The following SEC24D variants were observed in gnomAD, a reference collection of about 807,000 sequenced individuals.
The protein encoded by SEC24D is SEC24 homolog D, COPII component.
In SEC24D, 69 loss-of-function variants were observed where a neutral mutation model predicts 116.9. The observed-to-expected ratio is 0.59, with a 90% confidence interval of 0.49 to 0.72. SEC24D has a LOEUF of 0.72. Among genes scored for constraint, SEC24D ranks in the 30% least tolerant of loss-of-function variants. SEC24D has a pLI of 0.00. For missense variants in SEC24D, 1,131 were observed against 1,264.1 expected (o/e 0.89, Z 1.60); for synonymous variants, 405 against 442.8 (o/e 0.91, Z 1.07).
At chr4:118,733,038 C>T (rs1319878885) in intron 19 of SEC24D, 126 bp from the exon 20 acceptor site, 1 of 805,686 alleles carries the variant, frequency 1.2e-6, no homozygotes, top group Non-Finnish European at 2.0e-6. Flanking sequence ...TAACTGGTAA[C>T]CCATGTAAAA....
In SEC24D at chr4:118,800,306, T is replaced by A. The variant is rs1578450104; in HGVS notation, c.914-2496A>T. On this transcript the variant is annotated intron_variant, in intron 7 of 22. Coordinates refer to ENST00000280551, the MANE Select transcript of SEC24D (RefSeq NM_014822.4). ...ATACAGTATGTTGGGAAGTTTATGG[T>A]CCTGAGCTTAAACAGCGATTGTGGC... is the stretch of plus-strand genomic sequence containing the variant. Among the ~76,000 whole-genome samples, 5 of 152,162 alleles carry A rather than the reference T, an allele frequency of 3.3e-5. No homozygotes were observed. The East Asian group carries it at 7.7e-4, about 23-fold the overall frequency.
At chr4:118,788,337 G>A (rs796357317) in intron 8 of SEC24D, among the ~76,000 whole-genome samples, 8 of 152,318 alleles carry the variant, frequency 5.3e-5, no homozygotes, top group African/African-American at 1.4e-4. Flanking sequence ...AACAGAACCA[G>A]GCTTCTCCCT....
chr4:118,800,118 T>A (rs1035385640), intron 7 of SEC24D, among the ~76,000 whole-genome samples: 46 of 152,158 alleles, frequency 3.0e-4, no homozygotes, highest in African/African-American at 1.1e-3. Context: ...AGTGGGAGGA[T>A]GCGCTGAGAC....
At chr4:118,788,852 T>C (rs529455018) in intron 8 of SEC24D, among the ~76,000 whole-genome samples, 3 of 152,318 alleles carry the variant, frequency 2.0e-5, no homozygotes, top group African/African-American at 7.2e-5. Flanking sequence ...TCAACCACCA[T>C]TCTGTGATAT....
rs1196214382 is a variant in SEC24D, at chr4:118,797,771, C to T, written c.953G>A (p.Cys318Tyr). 3 of 1,611,252 alleles carry T rather than the reference C, an allele frequency of 1.9e-6. No homozygotes were observed. The highest frequency in any genetic ancestry group is 1.7e-4 in the Middle Eastern group (1 of 6,048). ...AGCCATATCTGACGTGCATGGAAAA[C>T]AGTATGTTGTACAACGGATGAATCG... is the stretch of plus-strand genomic sequence containing the variant. Reference protein sequence around the residue: ...SPRFIRCTTYCFPCTSDMAKQ... With the variant: ...SPRFIRCTTYYFPCTSDMAKQ... Residue 318 changes from cysteine to tyrosine, a missense_variant, in exon 8 of 23, where the codon TGT becomes TAT. Transcript: ENST00000280551.
At position 118,764,807 on chromosome 4, in the gene SEC24D, A is replaced by C; in HGVS notation, c.1291T>G (p.Cys431Gly). 1 of 1,556,402 alleles carries C rather than the reference A, an allele frequency of 6.4e-7. No homozygotes were observed. Among genetic ancestry groups the C allele is most frequent in the Non-Finnish European group, 8.9e-7 (1 of 1,128,696 alleles). ...SYEYVATLDY[C>G]RKSKPPNPPA... The stretch of plus-strand genomic sequence containing the variant: ...GAAGTTCTGGGAACACTTACTCTGC[A>C]ATAATCCAAAGTGGCAACATATTCA... The change falls in exon 10 of 23, where the codon TGC becomes GGC. Residue 431 changes from cysteine (C) to glycine (G), a missense_variant. Coordinates refer to ENST00000280551, the MANE Select transcript of SEC24D (RefSeq NM_014822.4).
At chr4:118,825,170 G>A (rs1255978552) in intron 2 of SEC24D, among the ~76,000 whole-genome samples, 2 of 152,302 alleles carry the variant, frequency 1.3e-5, no homozygotes, top group South Asian at 2.1e-4. Context: ...GGGCATGGGG[G>A]AGAACACTAG....
chr4:118,824,795 A>G (rs748843062), intron 2 of SEC24D, 46 bp from the exon 3 acceptor site: 6 of 1,506,614 alleles, frequency 4.0e-6, no homozygotes, highest in Non-Finnish European at 5.3e-6. Context: ...AAGTACAAAG[A>G]GAGATGAGGC....
chr4:118,757,963 C>A, intron 10 of SEC24D, 118 bp from the exon 11 acceptor site: 1 of 763,330 alleles, frequency 1.3e-6, no homozygotes, highest in Non-Finnish European at 2.0e-6. Flanking sequence ...TAGGATATAC[C>A]ATCTGTGGAA....
intron 11 of SEC24D, among the ~76,000 whole-genome samples, chr4:118,753,787 A>G (rs1463546689): frequency 6.6e-6 from 1 of 152,130 alleles, no homozygotes; most frequent in African/African-American, 2.4e-5. Flanking sequence ...TTCAATGGAG[A>G]ATATTACATA....
At chr4:118,774,084 A>T (rs1160654310) in intron 8 of SEC24D, among the ~76,000 whole-genome samples, 1 of 151,824 alleles carries the variant, frequency 6.6e-6, no homozygotes, top group African/African-American at 2.4e-5. Context: ...TTATTAAAAA[A>T]TTTAATGCTT....
chr4:118,821,053 C>T (rs1402692427), intron 3 of SEC24D, among the ~76,000 whole-genome samples: 4 of 151,590 alleles, frequency 2.6e-5, no homozygotes, highest in African/African-American at 4.8e-5. Context: ...AGTTTGTATG[C>T]GGAATTAAGA....
intron 13 of SEC24D, among the ~76,000 whole-genome samples, chr4:118,751,453 C>T (rs958032729): frequency 5.3e-5 from 8 of 152,180 alleles, no homozygotes; most frequent in Non-Finnish European, 1.0e-4. Context: ...GCTGGGATTA[C>T]AGGCGTGAGA....
intron 6 of SEC24D, among the ~76,000 whole-genome samples, chr4:118,811,881 A>G (rs572676291): frequency 6.6e-6 from 1 of 152,278 alleles, no homozygotes; most frequent in Admixed American, 6.5e-5. Flanking sequence ...AATAAGTGAC[A>G]GATTACAAAA....
At chr4:118,751,719 C>A (rs541460518) in intron 13 of SEC24D, among the ~76,000 whole-genome samples, 1 of 152,142 alleles carries the variant, frequency 6.6e-6, no homozygotes, top group South Asian at 2.1e-4. Context: ...TTAAAATAGA[C>A]CATATAAAGT....
chr4:118,833,398 A>G, intron 2 of SEC24D, 181 bp downstream of exon 2: 1 of 482,584 alleles, frequency 2.1e-6, no homozygotes, highest in Non-Finnish European at 3.7e-6. Flanking sequence ...ATTGCATGCA[A>G]TAACCAAACT....
At chr4:118,786,985 T>C (rs1728684852) in intron 8 of SEC24D, among the ~76,000 whole-genome samples, 1 of 152,244 alleles carries the variant, frequency 6.6e-6, no homozygotes, top group African/African-American at 2.4e-5. Context: ...TTGGTGCATT[T>C]AGCTTCTAAA....
At chr4:118,724,008 CT>C (rs1725282100) in intron 22 of SEC24D, among the ~76,000 whole-genome samples, 1 of 152,180 alleles carries the variant, frequency 6.6e-6, no homozygotes, top group Non-Finnish European at 1.5e-5. Flanking sequence ...ACAATTATGG[CT>C]GGCATGTAAA....
At chr4:118,817,935 G>T (rs958396582) in intron 3 of SEC24D, among the ~76,000 whole-genome samples, 3 of 151,976 alleles carry the variant, frequency 2.0e-5, no homozygotes, top group Non-Finnish European at 4.4e-5. Context: ...TACTTGGGCG[G>T]TTGAAGTAAG....
Sources: gnomAD v4.1 joint callset for allele counts (sites outside exome capture counted in the v4.1 genomes callset) on GRCh38, gnomAD v4.1.1 for gene constraint, MANE v1.5 for transcripts, NCBI Gene and HGNC (gene_info 2026-07-23, HGNC 2026-07-21) for gene names.